The following BRD3 variants were observed in gnomAD, a reference collection of about 807,000 sequenced individuals.
BRD3 encodes bromodomain containing 3.
BRD3 carries 17 observed loss-of-function variants against 66.8 expected under a neutral mutation model. That is an observed-to-expected ratio of 0.25 (90% CI 0.17 to 0.38). The LOEUF is 0.38. Among genes scored for constraint, BRD3 ranks in the 10% least tolerant of loss-of-function variants. The pLI, the probability that BRD3 is intolerant of heterozygous loss-of-function variation, is 1.00. For synonymous variants in BRD3, 421 were observed against 393.2 expected (o/e 1.07, Z -0.84); for missense variants, 713 against 956.1 (o/e 0.75, Z 3.35).
intron 1 of BRD3, chr9:134,058,283 G>C (rs1830466619): frequency 6.6e-6 from 1 of 152,322 alleles, no homozygotes; most frequent in African/African-American, 2.4e-5. Context: ...GGGGAGAAAA[G>C]GAGGTGCCCC....
intron 9 of BRD3, among the ~76,000 whole-genome samples, chr9:134,039,034 C>CT (rs1352317227): frequency 6.6e-6 from 1 of 152,114 alleles, no homozygotes; most frequent in Non-Finnish European, 1.5e-5. Context: ...ACCCAGCTGT[C>CT]TAACCCCAAA....
At chr9:134,041,607 A>G (rs1830047770) in intron 8 of BRD3, among the ~76,000 whole-genome samples, 153 bp downstream of exon 8, 1 of 152,152 alleles carries the variant, frequency 6.6e-6, no homozygotes, top group Non-Finnish European at 1.5e-5. Context: ...AGACCTGGGG[A>G]GGGCACTCCG....
At chr9:134,067,464 C>A (rs1830688203) in intron 1 of BRD3, among the ~76,000 whole-genome samples, 1 of 148,912 alleles carries the variant, frequency 6.7e-6, no homozygotes, top group Non-Finnish European at 1.5e-5. Flanking sequence ...GCGGAGCGCA[C>A]GGCCGCAGGC....
intron 10 of BRD3, among the ~76,000 whole-genome samples, chr9:134,035,687 C>T (rs192250900): frequency 6.6e-6 from 1 of 152,348 alleles, no homozygotes; most frequent in East Asian, 1.9e-4. Context: ...AGTGAGGACC[C>T]CAACTGGGCC....
Position 134,036,189 on chromosome 9 carries a change from G to A in BRD3, c.1779C>T (p.Gly593=), listed in dbSNP as rs2132381771. 3 of 1,614,206 alleles carry A rather than the reference G, an allele frequency of 1.9e-6. No homozygotes were observed. The highest frequency in any genetic ancestry group is 1.3e-5 in the African/African-American group (1 of 75,044). ...GAGATTGGATGATGTGCACTACCCG[G>A]CCCAGCTTCTCCCCGGGCAGCCGGT... The part of the protein sequence containing the change: ...DINRLPGEKL[G]RVVHIIQSRE... Residue 593 remains glycine, a synonymous_variant, in exon 10 of 12, where the codon GGC becomes GGT. Transcript: ENST00000303407.
intron 2 of BRD3, among the ~76,000 whole-genome samples, chr9:134,052,762 C>G (rs1422470077): frequency 6.6e-6 from 1 of 152,220 alleles, no homozygotes; most frequent in South Asian, 2.1e-4. Flanking sequence ...CAGGGCCCAG[C>G]AGAGCCCAGA....
chr9:134,065,733 T>C (rs562794242), intron 1 of BRD3, among the ~76,000 whole-genome samples: 4 of 152,090 alleles, frequency 2.6e-5, no homozygotes, highest in Non-Finnish European at 4.4e-5. Context: ...ATCACCCCAC[T>C]TGGGAAACCC....
chr9:134,042,736 C>G (rs2132401609), intron 7 of BRD3, among the ~76,000 whole-genome samples: 1 of 136,090 alleles, frequency 7.3e-6, no homozygotes, highest in South Asian at 2.2e-4. Context: ...TATATATACA[C>G]ACATATATAC....
At chr9:134,036,824 C>T (rs537359139) in intron 9 of BRD3, among the ~76,000 whole-genome samples, 3 of 151,816 alleles carry the variant, frequency 2.0e-5, no homozygotes, top group Admixed American at 1.3e-4. Context: ...CTGGCTACCA[C>T]GGTGAAACCT....
chr9:134,053,404 T>A lies in BRD3; in HGVS notation c.74A>T (p.Glu25Val). The change falls in exon 2 of 12, where the codon GAG becomes GTG. Residue 25 changes from glutamate (E) to valine (V), a missense_variant. Glu to Val is a moderately radical substitution (Grantham distance 121). Coordinates refer to ENST00000303407, the MANE Select transcript of BRD3 (RefSeq NM_007371.4). ...TPGPVNPPPP[E>V]VSNPSKPGRK... ...GCCGGGCTTGCTGGGGTTGGAGACC[T>A]CCGGGGGGGGTGGGTTCACAGGGCC... 3 of 1,035,490 alleles carry A rather than the reference T, an allele frequency of 2.9e-6. No homozygotes were observed. The highest frequency in any genetic ancestry group is 4.3e-6 in the Non-Finnish European group (3 of 703,696). 64.1% of individuals were successfully genotyped at this position (1,035,490 alleles called of 1,614,324 possible).
At position 134,033,566 on chromosome 9, in the gene BRD3, T is replaced by G. The variant is rs564145386; in HGVS notation, c.*24A>C. ...AGTCTCGGCGTGTGCGACATCCATCTGTCCTGTTCTGTCCGAAGCCAGTTC... is the reference window on the plus strand; with the variant it reads ...AGTCTCGGCGTGTGCGACATCCATCGGTCCTGTTCTGTCCGAAGCCAGTTC... On this transcript the variant is annotated 3_prime_UTR_variant, in exon 12 of 12. Coordinates refer to ENST00000303407, the MANE Select transcript of BRD3 (RefSeq NM_007371.4). The surrounding 1 kb of genome is among the most constrained non-coding windows in gnomAD (Gnocchi z 5.1). 3 of 734,738 alleles carry G rather than the reference T, an allele frequency of 4.1e-6. No homozygotes were observed. Among genetic ancestry groups the G allele is most frequent in the African/African-American group, 1.7e-5 (1 of 58,354 alleles). The allele number at this position is 734,738 out of a possible 1,614,324, so 45.5% of individuals were successfully genotyped here.
In BRD3 at chr9:134,032,747, C is replaced by T. The variant is rs1005961888; in HGVS notation, c.*843G>A. ...CGGGAAGTGGTTCCCAAGGGTGGCG[C>T]GGCAGCAGCAGCAGGGGCAGCGCTA... is the stretch of plus-strand genomic sequence containing the variant. On this transcript the variant is annotated 3_prime_UTR_variant, in exon 12 of 12. Coordinates refer to ENST00000303407, the MANE Select transcript of BRD3 (RefSeq NM_007371.4). 3 of 241,756 alleles carry T rather than the reference C, an allele frequency of 1.2e-5. No individual in the cohort carries two copies. Among genetic ancestry groups the T allele is most frequent in the Admixed American group, 5.6e-5 (1 of 17,958 alleles). 15.0% of individuals were successfully genotyped at this position (241,756 alleles called of 1,614,324 possible). A position where few individuals can be genotyped will look rare whatever the true frequency, so the allele number is the denominator to read the frequency against.
chr9:134,054,881 C>T (rs12343791), intron 1 of BRD3, among the ~76,000 whole-genome samples: 5,298 of 152,068 alleles, frequency 0.035, 321 homozygotes, highest in African/African-American at 0.12. Context: ...TCCTCCCACC[C>T]CACCCCAGAG....
intron 7 of BRD3, among the ~76,000 whole-genome samples, chr9:134,044,294 G>A (rs959692542): frequency 3.9e-5 from 6 of 152,180 alleles, no homozygotes; most frequent in African/African-American, 1.4e-4. Context: ...GGCCCTGTGC[G>A]CGAGAGGGTG....
intron 1 of BRD3, among the ~76,000 whole-genome samples, chr9:134,067,010 G>A (rs1422431462): frequency 1.3e-5 from 2 of 152,126 alleles, no homozygotes; most frequent in East Asian, 3.9e-4. Flanking sequence ...AGCAACCGGT[G>A]GAATAAGACT....
At position 134,063,922 on chromosome 9, in the gene BRD3, G is replaced by A. The variant is rs549271541; in HGVS notation, c.-114+4023C>T. Among the ~76,000 whole-genome samples, 8 of 152,286 alleles carry A rather than the reference G, an allele frequency of 5.3e-5. No individual in the cohort carries two copies. The South Asian group carries it at 1.5e-3, about 28-fold the overall frequency. On this transcript the variant is annotated intron_variant, in intron 1 of 11. Transcript: ENST00000303407. ...TGGAAAAGTTGTCTCCCACAATACC[G>A]GATTAACTTCTGACGAACTCAGTAC...
chr9:134,048,552 C>T (rs550527422), intron 5 of BRD3, 98 bp from the exon 6 acceptor site: 7 of 1,555,072 alleles, frequency 4.5e-6, no homozygotes, highest in Non-Finnish European at 4.3e-6. Flanking sequence ...GCCTGCCTGG[C>T]GCTGGGCTAA....
At chr9:134,036,938 G>T (rs1318848601) in intron 9 of BRD3, among the ~76,000 whole-genome samples, 1 of 152,124 alleles carries the variant, frequency 6.6e-6, no homozygotes, top group African/African-American at 2.4e-5. Flanking sequence ...TTGAACCAGG[G>T]AGGCGGAGGC....
At position 134,048,287 on chromosome 9, in the gene BRD3, C is replaced by A; in HGVS notation, c.882G>T (p.Glu294Asp). 1 of 1,605,980 alleles carries A rather than the reference C, an allele frequency of 6.2e-7. No individual in the cohort carries two copies. ...RPIKPPKKDL[E>D]DGEVPQHAGK... is the part of the protein sequence containing the mutation. ...CTGCGTGCTGGGGCACCTCGCCGTCCTCCAGGTCCTTCTTGGGAGGCTTGA... is the reference window on the plus strand; with the variant it reads ...CTGCGTGCTGGGGCACCTCGCCGTCATCCAGGTCCTTCTTGGGAGGCTTGA... The change falls in exon 6 of 12, where the codon GAG (glutamate) becomes GAT (aspartate). Residue 294 changes from glutamate (E) to aspartate (D), a missense_variant. Transcript: ENST00000303407.
Sources: gnomAD v4.1 joint callset for allele counts (sites outside exome capture counted in the v4.1 genomes callset) on GRCh38, gnomAD v4.1.1 for gene constraint, Gnocchi (gnomAD v3.1) non-coding constraint, MANE v1.5 for transcripts, NCBI Gene and HGNC (gene_info 2026-07-23, HGNC 2026-07-21) for gene names.